Variants in FAM222A observed in about 807,000 individuals in gnomAD.
FAM222A encodes the protein protein FAM222A.
A neutral mutation model predicts 25.8 loss-of-function variants in FAM222A; 7 were observed. The ratio of observed to expected loss-of-function variants is 0.27; its 90% CI spans 0.15 to 0.51. The LOEUF is 0.51. Ranked by LOEUF, FAM222A falls within the 20% of genes least tolerant of loss-of-function variation. FAM222A has a pLI of 0.97. For missense variants in FAM222A, 573 were observed against 640.5 expected, an observed-to-expected ratio of 0.89 and a Z score of 1.14; for synonymous variants, 294 against 298.8, an observed-to-expected ratio of 0.98 and a Z score of 0.17.
intron 1 of FAM222A, chr12:109,734,536 A>G (rs1262119281): frequency 1.3e-5 from 2 of 151,830 alleles, no homozygotes; most frequent in African/African-American, 2.4e-5. Context: ...TGCATTTACA[A>G]TGAGCGCCAG....
chr12:109,725,436 C>CCCTCCCTCCG (rs1887822471), intron 1 of FAM222A, among the ~76,000 whole-genome samples: 1 of 150,398 alleles, frequency 6.6e-6, no homozygotes, highest in African/African-American at 2.5e-5. Context: ...CTCTCCCTCC[C>CCCTCCCTCCG]CCTCCCTCCC....
chr12:109,747,591 A>G (rs143819660), intron 2 of FAM222A, among the ~76,000 whole-genome samples: 2 of 152,222 alleles, frequency 1.3e-5, no homozygotes, highest in Admixed American at 6.5e-5. Flanking sequence ...TGACACTTTT[A>G]TGACACTGCC....
intron 2 of FAM222A, among the ~76,000 whole-genome samples, chr12:109,749,905 C>G (rs1337504982): frequency 6.6e-6 from 1 of 152,128 alleles, no homozygotes; most frequent in African/African-American, 2.4e-5. Flanking sequence ...TTTCTTAAAA[C>G]CTTTGCCAAT....
At chr12:109,731,681 G>C (rs968717358) in intron 1 of FAM222A, among the ~76,000 whole-genome samples, 9 of 152,150 alleles carry the variant, frequency 5.9e-5, no homozygotes, top group Admixed American at 4.6e-4. Flanking sequence ...GTGTTGCCTA[G>C]TTGGTAAGCT....
At chr12:109,759,596 G>A (rs944103865) in intron 2 of FAM222A, among the ~76,000 whole-genome samples, 8 of 152,286 alleles carry the variant, frequency 5.3e-5, no homozygotes, top group East Asian at 1.9e-4. Context: ...TAATGGCAGC[G>A]GCAGTTCGTC....
chr12:109,748,460 T>A (rs1431506468), intron 2 of FAM222A, among the ~76,000 whole-genome samples: 1 of 152,050 alleles, frequency 6.6e-6, no homozygotes, highest in Non-Finnish European at 1.5e-5. Flanking sequence ...GAATTATCTG[T>A]TCTTAAAAGT....
chr12:109,759,314 C>G (rs1218364470), intron 2 of FAM222A, among the ~76,000 whole-genome samples: 1 of 152,162 alleles, frequency 6.6e-6, no homozygotes. Flanking sequence ...CCCTGCCTGG[C>G]TCACTCTGCG....
Position 109,769,560 on chromosome 12 carries a change from C to G in FAM222A, c.*272C>G. On this transcript the variant is annotated 3_prime_UTR_variant, in exon 3 of 3. Transcript: ENST00000538780. ...ACGCCCATGCCTTCCTTTATCTAAG[C>G]TGGCAGAGGCAGGGAGAGAGAAACC... The G allele has an allele frequency of 2.0e-6, 1 of 509,572 alleles. No homozygotes were observed. Among genetic ancestry groups the G allele is most frequent in the Non-Finnish European group, 3.5e-6 (1 of 287,838 alleles). The allele number at this position is 509,572 out of a possible 1,614,324, so 31.6% of individuals were successfully genotyped here. A position where few individuals can be genotyped will look rare whatever the true frequency, so the allele number is the denominator to read the frequency against.
intron 2 of FAM222A, among the ~76,000 whole-genome samples, chr12:109,762,219 G>C (rs961001882): frequency 6.6e-6 from 1 of 152,230 alleles, no homozygotes; most frequent in African/African-American, 2.4e-5. Flanking sequence ...CAAACAGCCA[G>C]TCATGCTCGG....
chr12:109,752,753 CT>C (rs926488341), intron 2 of FAM222A, among the ~76,000 whole-genome samples: 3 of 152,208 alleles, frequency 2.0e-5, no homozygotes, highest in African/African-American at 7.2e-5. Flanking sequence ...TCTGAGACCC[CT>C]GTCTCCCTTT....
intron 1 of FAM222A, among the ~76,000 whole-genome samples, chr12:109,723,717 C>G (rs1887791722): frequency 6.6e-6 from 1 of 152,234 alleles, no homozygotes. Context: ...GATGCCGCAT[C>G]GCATCGGCCT....
chr12:109,727,446 TCTGA>T (rs1887864451), intron 1 of FAM222A, among the ~76,000 whole-genome samples: 1 of 152,108 alleles, frequency 6.6e-6, no homozygotes, highest in Admixed American at 6.5e-5. Flanking sequence ...TGCCTCCTTC[TCTGA>T]CTATTTTGTG....
At chr12:109,728,705 GCA>G in intron 1 of FAM222A, among the ~76,000 whole-genome samples, 1 of 152,320 alleles carries the variant, frequency 6.6e-6, no homozygotes, top group East Asian at 1.9e-4. Flanking sequence ...ATCTCTTCGT[GCA>G]CAGTGTGGCA....
At chr12:109,745,959 G>T (rs987167811) in intron 2 of FAM222A, among the ~76,000 whole-genome samples, 1 of 151,612 alleles carries the variant, frequency 6.6e-6, no homozygotes, top group African/African-American at 2.4e-5. Context: ...ATTTGTAGGA[G>T]CTATTTGTGT....
intron 1 of FAM222A, among the ~76,000 whole-genome samples, chr12:109,718,309 C>A (rs1887683505): frequency 7.1e-6 from 1 of 140,274 alleles, no homozygotes; most frequent in African/African-American, 2.6e-5. Flanking sequence ...CCCCACCCAC[C>A]CACCCACATG....
At chr12:109,741,760 G>A (rs75050546) in intron 1 of FAM222A, among the ~76,000 whole-genome samples, 1 of 152,206 alleles carries the variant, frequency 6.6e-6, no homozygotes, top group Non-Finnish European at 1.5e-5. Context: ...CATTAACCCA[G>A]CCGGGGTCAC....
intron 1 of FAM222A, among the ~76,000 whole-genome samples, chr12:109,725,898 G>T (rs1267891713): frequency 6.6e-6 from 1 of 151,668 alleles, no homozygotes; most frequent in African/African-American, 2.4e-5. Flanking sequence ...CAGTGTTCCC[G>T]GGCGCCCGGA....
chr12:109,742,920 C>T (rs771184452), intron 1 of FAM222A, among the ~76,000 whole-genome samples: 3 of 152,138 alleles, frequency 2.0e-5, no homozygotes, highest in East Asian at 1.9e-4. Flanking sequence ...TAGAAGAAAG[C>T]GGCAGAATTT....
At chr12:109,755,454 G>A (rs567346788) in intron 2 of FAM222A, among the ~76,000 whole-genome samples, 1 of 151,892 alleles carries the variant, frequency 6.6e-6, no homozygotes, top group Non-Finnish European at 1.5e-5. Flanking sequence ...TCAGCCTCCC[G>A]AGTAGCTGGG....
Sources: allele counts gnomAD v4.1 joint callset (sites outside exome capture counted in the v4.1 genomes callset), GRCh38; gene constraint gnomAD v4.1.1; transcripts MANE v1.5; gene names NCBI Gene and HGNC (gene_info 2026-07-23, HGNC 2026-07-21).